The following ABCA13 variants were observed in gnomAD, a reference collection of about 807,000 sequenced individuals.
ABCA13 encodes ATP binding cassette subfamily A member 13.
In ABCA13, 476 loss-of-function variants were observed where a neutral mutation model predicts 478.7. The ratio of observed to expected loss-of-function variants is 0.99; its 90% CI spans 0.92 to 1.07. The LOEUF (loss-of-function observed/expected upper bound fraction) is 1.07. ABCA13 is among the 50% of genes least tolerant of loss of function. The pLI is 0.00. For synonymous variants in ABCA13, 2,252 were observed against 2,158.9 expected, an observed-to-expected ratio of 1.04 and a Z score of -1.20; for missense variants, 6,060 against 5,910.6, an observed-to-expected ratio of 1.03 and a Z score of -0.83.
intron 5 of ABCA13, among the ~76,000 whole-genome samples, chr7:48,223,449 GAAGGT>G (rs1787664123): frequency 6.6e-6 from 1 of 152,176 alleles, no homozygotes; most frequent in African/African-American, 2.4e-5. Context: ...CAAGGAGGAG[GAAGGT>G]GAGAATGTGG....
chr7:48,506,281 C>T (rs750092603), intron 48 of ABCA13, 55 bp from the exon 49 acceptor site: 53 of 1,561,452 alleles, frequency 3.4e-5, no homozygotes, highest in Middle Eastern at 1.7e-4. Context: ...AGATGAGCTG[C>T]GATTCACCAT....
At chr7:48,281,500 T>C (rs1562961358) in intron 19 of ABCA13, 48 bp downstream of exon 19, 1 of 1,494,618 alleles carries the variant, frequency 6.7e-7, no homozygotes, top group Non-Finnish European at 9.1e-7. Flanking sequence ...TGTGCCAGTT[T>C]TCAGAACTCA....
chr7:48,527,015 A>G (rs1393059651), intron 54 of ABCA13, among the ~76,000 whole-genome samples: 2 of 152,196 alleles, frequency 1.3e-5, no homozygotes, highest in African/African-American at 4.8e-5. Context: ...AAAAGAACTG[A>G]AAGGTGCATG....
At chr7:48,257,251 T>C (rs940949406) in intron 15 of ABCA13, among the ~76,000 whole-genome samples, 2 of 152,088 alleles carry the variant, frequency 1.3e-5, no homozygotes, top group South Asian at 4.1e-4. Flanking sequence ...AAACTATCCC[T>C]GTTTGGAGAC....
intron 3 of ABCA13, among the ~76,000 whole-genome samples, chr7:48,198,969 G>T (rs2128913447): frequency 6.6e-6 from 1 of 152,296 alleles, no homozygotes; most frequent in East Asian, 1.9e-4. Flanking sequence ...AAGTGAGGGG[G>T]TTTAACTTGG....
intron 59 of ABCA13, chr7:48,626,762 G>A (rs1403072806): frequency 2.0e-6 from 2 of 985,642 alleles, no homozygotes. Context: ...TGGAAAGATA[G>A]TGATGTCTTT....
chr7:48,218,727 C>T (rs979643996), intron 3 of ABCA13, among the ~76,000 whole-genome samples: 2 of 152,144 alleles, frequency 1.3e-5, no homozygotes, highest in African/African-American at 2.4e-5. Context: ...AAATAGCTGA[C>T]TTGAAAGGCA....
At chr7:48,484,822 T>C (rs1243189076) in intron 47 of ABCA13, among the ~76,000 whole-genome samples, 2 of 152,164 alleles carry the variant, frequency 1.3e-5, no homozygotes, top group East Asian at 3.9e-4. Flanking sequence ...AACTCAACAT[T>C]GTTGTGGGGT....
chr7:48,316,557 A>G (rs1312427879), intron 26 of ABCA13, among the ~76,000 whole-genome samples: 1 of 152,198 alleles, frequency 6.6e-6, no homozygotes, highest in African/African-American at 2.4e-5. Context: ...ACAGGGAAAA[A>G]AAATCTTATT....
At chr7:48,505,025 A>G (rs1233743028) in intron 48 of ABCA13, among the ~76,000 whole-genome samples, 1 of 152,230 alleles carries the variant, frequency 6.6e-6, no homozygotes, top group Non-Finnish European at 1.5e-5. Context: ...TGGTAAGTCC[A>G]GGATCCAGGA....
intron 45 of ABCA13, among the ~76,000 whole-genome samples, chr7:48,478,902 T>TTTG (rs1306020086): frequency 2.0e-5 from 3 of 152,070 alleles, no homozygotes; most frequent in Non-Finnish European, 4.4e-5. Flanking sequence ...AACGTTACTA[T>TTTG]TTGTGTGCAT....
chr7:48,546,669 C>T (rs1000366120), intron 55 of ABCA13, among the ~76,000 whole-genome samples: 3 of 151,350 alleles, frequency 2.0e-5, no homozygotes, highest in African/African-American at 2.4e-5. Context: ...TAGGTTTTCC[C>T]GTTTTTTAAG....
chr7:48,171,461 AC>A lies in ABCA13; in HGVS notation c.-22del. 1 of 1,535,560 alleles carries A rather than the reference AC, an allele frequency of 6.5e-7. No individual in the cohort carries two copies. The highest frequency in any genetic ancestry group is 8.7e-7 in the Non-Finnish European group (1 of 1,146,566). ...ACCATCCTTACAGGCTGGCTTCCTG[AC>A]TGAGAGCAGGGAGCAGCAGGCATGG... is the stretch of plus-strand genomic sequence containing the variant. On this transcript the variant is annotated 5_prime_UTR_variant, in exon 1 of 62. The change creates a new upstream start codon in the 5' untranslated region. Coordinates refer to ENST00000435803, the MANE Select transcript of ABCA13 (RefSeq NM_152701.5).
At chr7:48,585,807 T>C (rs1477096826) in intron 56 of ABCA13, among the ~76,000 whole-genome samples, 1 of 152,198 alleles carries the variant, frequency 6.6e-6, no homozygotes, top group Non-Finnish European at 1.5e-5. Flanking sequence ...AATGAATCTA[T>C]ATTAATACTT....
intron 32 of ABCA13, 30 bp from the exon 33 acceptor site, chr7:48,372,138 G>A (rs1361460005): frequency 6.3e-7 from 1 of 1,583,152 alleles, no homozygotes; most frequent in East Asian, 2.3e-5. Context: ...GCATGCTGTG[G>A]TAACCTTGGG....
At chr7:48,400,386 A>G (rs753459245) in intron 38 of ABCA13, among the ~76,000 whole-genome samples, 33 of 152,204 alleles carry the variant, frequency 2.2e-4, no homozygotes, top group Admixed American at 3.9e-4. Context: ...CTGGTGCATA[A>G]TTGGGTCATA....
chr7:48,519,678 G>A (rs1832397084), intron 52 of ABCA13, among the ~76,000 whole-genome samples: 1 of 152,122 alleles, frequency 6.6e-6, no homozygotes, highest in Non-Finnish European at 1.5e-5. Context: ...TTGTTATTCT[G>A]TGAGTTTGTG....
At chr7:48,368,891 C>G (rs888792957) in intron 32 of ABCA13, among the ~76,000 whole-genome samples, 8 of 151,576 alleles carry the variant, frequency 5.3e-5, no homozygotes, top group Admixed American at 5.3e-4. Context: ...CATATGTGTG[C>G]AACTATCTTT....
Position 48,273,413 on chromosome 7 carries a change from C to T in ABCA13, c.3747C>T (p.Asn1249=). 6.2e-7 allele frequency: 1 copy of T among 1,613,434 alleles called. No individual in the cohort carries two copies. The highest frequency in any genetic ancestry group is 2.2e-5 in the East Asian group (1 of 44,848). ...GNALVSVKKL[N]LEQVEKSLFT... ...CATTAGTTTCAGTAAAAAAACTTAA[C>T]TTGGAGCAAGTGGAGAAATCCCTTT... is the stretch of plus-strand genomic sequence containing the variant. The change falls in exon 17 of 62, where the codon AAC becomes AAT. Residue 1249 remains asparagine, a synonymous_variant. Transcript: ENST00000435803.
Sources: allele counts gnomAD v4.1 joint callset (sites outside exome capture counted in the v4.1 genomes callset), GRCh38; gene constraint gnomAD v4.1.1; transcripts MANE v1.5; gene names NCBI Gene and HGNC (gene_info 2026-07-23, HGNC 2026-07-21).